FMN1: variants seen among roughly 807,000 people sequenced by gnomAD.
FMN1 encodes formin-1.
A neutral mutation model predicts 132.4 loss-of-function variants in FMN1; 110 were observed. That is an observed-to-expected ratio of 0.83 (90% CI 0.71 to 0.97). The LOEUF (loss-of-function observed/expected upper bound fraction) is 0.97. Ranked by LOEUF, FMN1 falls within the 50% of genes least tolerant of loss-of-function variation. The pLI, the probability that FMN1 is intolerant of heterozygous loss-of-function variation, is 0.00. For synonymous variants in FMN1, 722 were observed against 651.7 expected (o/e 1.11, Z -1.64); for missense variants, 1,792 against 1,705.3 (o/e 1.05, Z -0.90).
At chr15:33,000,669 G>T (rs957597696) in intron 7 of FMN1, among the ~76,000 whole-genome samples, 4 of 151,982 alleles carry the variant, frequency 2.6e-5, no homozygotes, top group African/African-American at 9.7e-5. Flanking sequence ...TCAGGAAGTG[G>T]ATTATACATT....
intron 18 of FMN1, among the ~76,000 whole-genome samples, chr15:32,801,790 G>A (rs373634414): frequency 1.5e-3 from 226 of 151,290 alleles, no homozygotes; most frequent in African/African-American, 5.4e-3. Flanking sequence ...ATGAGACTCC[G>A]TCTCAAAAAA....
At chr15:33,051,536 A>G (rs1215023146) in intron 6 of FMN1, among the ~76,000 whole-genome samples, 3 of 152,154 alleles carry the variant, frequency 2.0e-5, no homozygotes, top group Non-Finnish European at 4.4e-5. Context: ...AGAGAAAGGC[A>G]GTCTCCCAAT....
At chr15:32,981,979 A>G (rs963770071) in intron 7 of FMN1, among the ~76,000 whole-genome samples, 6 of 148,124 alleles carry the variant, frequency 4.1e-5, no homozygotes, top group African/African-American at 1.1e-4. Context: ...TGGAAAACAA[A>G]TAACGGACAC....
chr15:33,147,539 A>AAT (rs1391189906), intron 4 of FMN1, among the ~76,000 whole-genome samples: 5 of 152,196 alleles, frequency 3.3e-5, no homozygotes, highest in Non-Finnish European at 5.9e-5. Context: ...TGAATCCAAA[A>AAT]ATAGAGACAA....
In FMN1 at chr15:32,969,408, T is replaced by A. The variant is rs780415523; in HGVS notation, c.2293A>T (p.Thr765Ser). The A allele has an allele frequency of 2.9e-5, 47 of 1,613,870 alleles. No individual in the cohort carries two copies. Among genetic ancestry groups the A allele is most frequent in the Non-Finnish European group, 3.9e-5 (46 of 1,179,908 alleles). ...HAMITARLEE[T>S]IENLKHELEH... is the part of the protein sequence containing the mutation. ...AGCTCGTGTTTCAGATTTTCAATGG[T>A]TTCTTCTAGTCTCGCTGTTATCATT... The change falls in exon 8 of 21, where the codon ACC (threonine) becomes TCC (serine). Residue 765 changes from threonine (T) to serine (S), a missense_variant. Around this residue, in one of 3 missense-constraint regions of FMN1, gnomAD observed 1,150 missense variants for 1,043.1 expected, o/e 1.10. Transcript: ENST00000616417.
rs535648727 is a variant in FMN1, at chr15:33,004,367, A to G, written c.2223+3647T>C. Among the ~76,000 whole-genome samples, 259 of 152,312 alleles carry G rather than the reference A, an allele frequency of 1.7e-3. 2 individuals carry two copies. The highest frequency in any genetic ancestry group is 0.011 in the Admixed American group (175 of 15,294). On this transcript the variant is annotated intron_variant, in intron 7 of 20. Coordinates refer to ENST00000616417, the MANE Select transcript of FMN1 (RefSeq NM_001277313.2). ...TACAAGAAAAAAACAACCCCATCAA[A>G]AAGTAGGCGAAGGATATGAACAGAC...
chr15:32,888,233 G>A lies in FMN1; in HGVS notation c.3774C>T (p.Ala1258=), dbSNP rs564321236. The change falls in exon 16 of 21, where the codon GCC becomes GCT. Residue 1258 remains alanine, a synonymous_variant. Transcript: ENST00000616417. ...PLPEPQDFFL[A]SQVKFEDLIK... is the part of the protein sequence containing the mutation. Reference sequence around the variant, plus strand: ...TGAGGTCTTCAAACTTGACTTGGGAGGCCAGAAAGAAATCCTGTGGTTCCG... The same window carrying A: ...TGAGGTCTTCAAACTTGACTTGGGAAGCCAGAAAGAAATCCTGTGGTTCCG... The A allele has an allele frequency of 5.6e-5, 90 of 1,612,700 alleles. 2 individuals carry two copies. In the South Asian group the frequency reaches 9.2e-4, roughly 17 times the overall value.
intron 3 of FMN1, among the ~76,000 whole-genome samples, chr15:33,171,132 G>C (rs989414511): frequency 6.6e-6 from 1 of 152,108 alleles, no homozygotes; most frequent in African/African-American, 2.4e-5. Flanking sequence ...GACAAGTATC[G>C]CATGTTTTCA....
intron 4 of FMN1, among the ~76,000 whole-genome samples, chr15:33,097,240 G>C (rs12917013): frequency 0.077 from 11,700 of 151,590 alleles, 599 homozygotes; most frequent in Middle Eastern, 0.12. Context: ...GGAGGTTGAG[G>C]CTGCAGTGAG....
chr15:32,929,515 T>C (rs1474641539), intron 9 of FMN1, among the ~76,000 whole-genome samples: 2 of 152,208 alleles, frequency 1.3e-5, no homozygotes, highest in Non-Finnish European at 2.9e-5. Context: ...CACAATGTTA[T>C]ACAGCAGATT....
At chr15:32,973,352 C>G (rs2031940576) in intron 7 of FMN1, among the ~76,000 whole-genome samples, 1 of 152,112 alleles carries the variant, frequency 6.6e-6, no homozygotes, top group South Asian at 2.1e-4. Context: ...CAAATACTGT[C>G]CTCTTCCAAT....
chr15:33,188,280 C>A (rs529172746), intron 2 of FMN1, among the ~76,000 whole-genome samples: 2 of 152,056 alleles, frequency 1.3e-5, no homozygotes, highest in Non-Finnish European at 2.9e-5. Context: ...GCAGAGGTTG[C>A]GTTGAGCCAA....
At chr15:33,173,801 T>C (rs928059324) in intron 3 of FMN1, among the ~76,000 whole-genome samples, 2 of 152,106 alleles carry the variant, frequency 1.3e-5, no homozygotes, top group Non-Finnish European at 2.9e-5. Context: ...TGGTGGCAGG[T>C]GCCTGTTATC....
At chr15:33,066,675 C>T (rs528103980) in intron 5 of FMN1, 2 of 1,613,664 alleles carry the variant, frequency 1.2e-6, no homozygotes, top group South Asian at 1.1e-5. Context: ...GCTTTAAAAG[C>T]CTCCAGGGCT....
intron 20 of FMN1, among the ~76,000 whole-genome samples, chr15:32,775,024 A>G (rs2056372022): frequency 6.6e-6 from 1 of 152,196 alleles, no homozygotes; most frequent in Non-Finnish European, 1.5e-5. Flanking sequence ...ACATATCAGT[A>G]TGGTAAGGAT....
intron 18 of FMN1, 115 bp downstream of exon 18, chr15:32,804,166 G>A: frequency 1.3e-6 from 1 of 749,428 alleles, no homozygotes; most frequent in Non-Finnish European, 2.2e-6. Flanking sequence ...TTCAGTTGGG[G>A]AAGTAAAAAT....
Position 32,925,415 on chromosome 15 carries a change from G to C in FMN1, c.3226+759C>G, listed in dbSNP as rs149175825. Reference sequence around the variant, plus strand: ...AAGTCTCTAGATCAGACAGTTTATAGAAAACAGGGGACAGGGGAACATGAT... The same window carrying C: ...AAGTCTCTAGATCAGACAGTTTATACAAAACAGGGGACAGGGGAACATGAT... On this transcript the variant is annotated intron_variant, in intron 10 of 20. Coordinates refer to ENST00000616417, the MANE Select transcript of FMN1 (RefSeq NM_001277313.2). Among the ~76,000 whole-genome samples the C allele has an allele frequency of 1.1e-3, 170 of 152,224 alleles. 2 individuals carry two copies. The East Asian group carries it at 0.018, about 16-fold the overall frequency.
At chr15:32,980,882 T>A (rs760083160) in intron 7 of FMN1, among the ~76,000 whole-genome samples, 1 of 152,132 alleles carries the variant, frequency 6.6e-6, no homozygotes, top group Admixed American at 6.5e-5. Flanking sequence ...GGCGTGGTGA[T>A]GCGTGCTTGT....
intron 19 of FMN1, among the ~76,000 whole-genome samples, chr15:32,791,318 T>C (rs567357143): frequency 4.6e-5 from 7 of 151,568 alleles, no homozygotes; most frequent in African/African-American, 9.7e-5. Context: ...AACTATGACA[T>C]TGAAAATTCA....
Sources: gnomAD v4.1 joint callset for allele counts (sites outside exome capture counted in the v4.1 genomes callset) on GRCh38, gnomAD v4.1.1 for gene constraint, gnomAD v4.1.1 regional missense constraint, MANE v1.5 for transcripts, NCBI Gene and HGNC (gene_info 2026-07-23, HGNC 2026-07-21) for gene names.